Variants in COL6A3 observed in about 807,000 individuals in gnomAD.
The protein encoded by COL6A3 is collagen alpha-3(VI) chain.
Under a neutral mutation model 274.1 loss-of-function variants are expected in COL6A3, and 137 were observed. That is an observed-to-expected ratio of 0.50 (90% CI 0.44 to 0.58). The LOEUF (loss-of-function observed/expected upper bound fraction) is 0.58, where lower values mean the gene tolerates loss of function less well. Ranked by LOEUF, COL6A3 falls within the 20% of genes least tolerant of loss-of-function variation. COL6A3 has a pLI of 0.00. For synonymous variants in COL6A3, 1,650 were observed against 1,650.6 expected, an observed-to-expected ratio of 1.00 and a Z score of 0.01; for missense variants, 3,950 against 4,124.9, an observed-to-expected ratio of 0.96 and a Z score of 1.16.
chr2:237,350,264 G>A, intron 27 of COL6A3, 55 bp from the exon 28 acceptor site: 1 of 1,546,468 alleles, frequency 6.5e-7, no homozygotes, highest in South Asian at 1.1e-5. Flanking sequence ...CTTACAGTGT[G>A]ATGCCAAGCC....
At chr2:237,336,038 G>T in intron 40 of COL6A3, 97 bp downstream of exon 40, 1 of 1,464,736 alleles carries the variant, frequency 6.8e-7, no homozygotes, top group Non-Finnish European at 9.5e-7. Flanking sequence ...ATCAAGGACT[G>T]TATTCTGAGT....
At position 237,371,576 on chromosome 2, in the gene COL6A3, C is replaced by T. The variant is rs894904280; in HGVS notation, c.4285+156G>A. 3.2e-5 allele frequency: 47 copies of T among 1,463,758 alleles called. 1 individual carries two copies. The highest frequency in any genetic ancestry group is 1.2e-4 in the South Asian group (8 of 67,418). The allele number at this position is 1,463,758 out of a possible 1,614,324, so 90.7% of individuals were successfully genotyped here. Reference sequence around the variant, plus strand: ...TCATGCCACTGCACTCCAGCCTGGACGACAGAGCCAGACCCTGTCTCAAAA... The same window carrying T: ...TCATGCCACTGCACTCCAGCCTGGATGACAGAGCCAGACCCTGTCTCAAAA... On this transcript the variant is annotated intron_variant, in intron 9 of 43. Coordinates refer to ENST00000295550, the MANE Select transcript of COL6A3 (RefSeq NM_004369.4). The surrounding 1 kb of genome is among the most constrained non-coding windows in gnomAD (Gnocchi z 4.3).
chr2:237,374,968 C>T lies in COL6A3; in HGVS notation c.3123G>A (p.Arg1041=). Residue 1041 remains arginine (R), a synonymous_variant, in exon 8 of 44, where the codon AGG becomes AGA. Coordinates refer to ENST00000295550, the MANE Select transcript of COL6A3 (RefSeq NM_004369.4). This position sits in a 1 kb window ranked among gnomAD's most constrained non-coding sequence, Gnocchi z 4.8. ...ACTCTTTCAACAGAGGGAAGCCGCT[C>T]CTGACGCCCTCAGAGCCATCAAGCA... The part of the protein sequence containing the change: ...VFLLDGSEGV[R]SGFPLLKEFV... The T allele has an allele frequency of 6.2e-7, 1 of 1,613,944 alleles. No individual in the cohort carries two copies. The highest frequency in any genetic ancestry group is 1.1e-5 in the South Asian group (1 of 91,076).
In COL6A3 at chr2:237,367,937, G is replaced by A. The variant is rs1220051799; in HGVS notation, c.4900+626C>T. Among the ~76,000 whole-genome samples the A allele has an allele frequency of 3.3e-5, 5 of 152,328 alleles. No individual in the cohort carries two copies. The South Asian group carries it at 8.3e-4, about 25-fold the overall frequency. On this transcript the variant is annotated intron_variant, in intron 10 of 43. Coordinates refer to ENST00000295550, the MANE Select transcript of COL6A3 (RefSeq NM_004369.4). ...TGTGAGATGTGCCACAGGCAGCCTGGTAGGGAGCAGTGAGCTAGGGAAACA... is the reference window on the plus strand; with the variant it reads ...TGTGAGATGTGCCACAGGCAGCCTGATAGGGAGCAGTGAGCTAGGGAAACA...
chr2:237,379,572 A>C (rs1428375743), intron 5 of COL6A3, among the ~76,000 whole-genome samples: 1 of 152,208 alleles, frequency 6.6e-6, no homozygotes, highest in Non-Finnish European at 1.5e-5. Flanking sequence ...AAGGTGCTGC[A>C]TCAGTCCATA....
Position 237,364,535 on chromosome 2 carries a change from T to A in COL6A3, c.5839-107A>T. ...TGTCTCAAGCCCTTCATTTTACACTTAAGGAAACTGAGGGCCCAAGTTGAG... is the reference window on the plus strand; with the variant it reads ...TGTCTCAAGCCCTTCATTTTACACTAAAGGAAACTGAGGGCCCAAGTTGAG... On this transcript the variant is annotated intron_variant, in intron 12 of 43. Transcript: ENST00000295550. The surrounding 1 kb of genome is among the most constrained non-coding windows in gnomAD (Gnocchi z 4.6). 1 of 880,164 alleles carries A rather than the reference T, an allele frequency of 1.1e-6. No individual in the cohort carries two copies. The highest frequency in any genetic ancestry group is 1.9e-6 in the Non-Finnish European group (1 of 530,414). The allele number at this position is 880,164 out of a possible 1,614,324, so 54.5% of individuals were successfully genotyped here. A position where few individuals can be genotyped will look rare whatever the true frequency, so the allele number is the denominator to read the frequency against.
rs149261556 is a variant in COL6A3 at position 237,368,583 on chromosome 2, G to T, written c.4880C>A (p.Thr1627Asn). The T allele has an allele frequency of 4.3e-6, 7 of 1,614,152 alleles. No individual in the cohort carries two copies. Among genetic ancestry groups the T allele is most frequent in the Middle Eastern group, 1.6e-4 (1 of 6,062 alleles). ...CATACCTGGCCGTGAAGGAGGAGGG[G>T]TGTCCACCCCTGGAGGTGCAGGAGT... ...AATPAPPGVD[T>N]PPPSRPEKKK... Residue 1627 changes from threonine (T) to asparagine (N), a missense_variant, in exon 10 of 44, where the codon ACC (threonine) becomes AAC (asparagine). Transcript: ENST00000295550. This position sits in a 1 kb window ranked among gnomAD's most constrained non-coding sequence, Gnocchi z 4.4.
Position 237,324,501 on chromosome 2 carries a change from G to T in COL6A3, c.*273C>A. The stretch of plus-strand genomic sequence containing the variant: ...CTCCAGAGGGAATTTGGATTGATAG[G>T]AATGTTCACATAAACACCAGCAGTG... On this transcript the variant is annotated 3_prime_UTR_variant, in exon 44 of 44. Coordinates refer to ENST00000295550, the MANE Select transcript of COL6A3 (RefSeq NM_004369.4). The T allele has an allele frequency of 2.3e-6, 1 of 435,286 alleles. No homozygotes were observed. 27.0% of individuals were successfully genotyped at this position (435,286 alleles called of 1,614,324 possible).
rs773896666 is a variant in COL6A3, at chr2:237,364,367, T to G, written c.5900A>C (p.Glu1967Ala). Residue 1967 changes from glutamate to alanine, a missense_variant, in exon 13 of 44, where the codon GAG (glutamate) becomes GCG (alanine). Glu to Ala is a moderately radical substitution (Grantham distance 107). This residue lies in a region of COL6A3 where 632 missense variants were observed against 623.4 expected (regional missense o/e 1.01). Coordinates refer to ENST00000295550, the MANE Select transcript of COL6A3 (RefSeq NM_004369.4). This position sits in a 1 kb window ranked among gnomAD's most constrained non-coding sequence, Gnocchi z 4.6. ...GCACCTACCTTCTTGGCGGAGGTTC[T>G]CAGATGCTCTGTGTAAATCAGCCAG... ...GDLADLHRAS[E>A]NLRQEGVRAL... 1 of 1,613,990 alleles carries G rather than the reference T, an allele frequency of 6.2e-7. No individual in the cohort carries two copies. Among genetic ancestry groups the G allele is most frequent in the Admixed American group, 1.7e-5 (1 of 60,028 alleles).
intron 3 of COL6A3, among the ~76,000 whole-genome samples, chr2:237,388,809 T>C (rs956832044): frequency 1.3e-5 from 2 of 152,204 alleles, no homozygotes; most frequent in Non-Finnish European, 2.9e-5. Flanking sequence ...TCAAACTACA[T>C]TTAAAGTTTT....
At chr2:237,357,012 T>TC (rs1291092723) in intron 23 of COL6A3, 7 of 416,956 alleles carry the variant, frequency 1.7e-5, no homozygotes, top group Non-Finnish European at 8.6e-6. Flanking sequence ...ATTCCCTCCC[T>TC]CCCCCAGTAT....
In COL6A3 at chr2:237,333,721, A is replaced by G. The variant is rs111918424; in HGVS notation, c.9230-173T>C. 9.3e-3 allele frequency among the ~76,000 whole-genome samples: 1,411 copies of G among 152,310 alleles called. 8 individuals are homozygous for G. Among genetic ancestry groups the G allele is most frequent in the Middle Eastern group, 0.017 (5 of 294 alleles). On this transcript the variant is annotated intron_variant, in intron 41 of 43. Transcript: ENST00000295550. ...ACATCCACGACTTATGCTGTGGGCT[A>G]CAAGTTGGATCCATGAGCTAATAAG...
chr2:237,334,857 T>C lies in COL6A3; in HGVS notation c.8998A>G (p.Ile3000Val). The change falls in exon 41 of 44, where the codon ATA (isoleucine) becomes GTA (valine). Residue 3000 changes from isoleucine to valine, a missense_variant. This residue lies in a region of COL6A3 where 1,284 missense variants were observed against 1,349.7 expected (regional missense o/e 0.95). Transcript: ENST00000295550. The stretch of plus-strand genomic sequence containing the variant: ...TGGAGTTTGGCGCTGTTCTCTGTTA[T>C]CTCAAACACCTGGACTTCACGGGAC... ...KMSREVQVFE[I>V]TENSAKLHWE... 2 of 1,614,172 alleles carry C rather than the reference T, an allele frequency of 1.2e-6. No homozygotes were observed. Among genetic ancestry groups the C allele is most frequent in the Middle Eastern group, 1.6e-4 (1 of 6,062 alleles).
Position 237,361,745 on chromosome 2 carries a change from C to A in COL6A3, c.6150G>T (p.Gly2050=). The change falls in exon 15 of 44, where the codon GGG becomes GGT. Residue 2050 remains glycine (G), a synonymous_variant. Coordinates refer to ENST00000295550, the MANE Select transcript of COL6A3 (RefSeq NM_004369.4). This position sits in a 1 kb window ranked among gnomAD's most constrained non-coding sequence, Gnocchi z 5.1. ...RGDRGPIGSI[G]PKGIPGEDGY... ...AAGGGTAAAGCCACCGTACCTTTGG[C>A]CCGATGCTGCCGATGGGCCCGCGGT... 1 of 1,614,152 alleles carries A rather than the reference C, an allele frequency of 6.2e-7. No homozygotes were observed. Among genetic ancestry groups the A allele is most frequent in the Non-Finnish European group, 8.5e-7 (1 of 1,179,974 alleles).
At chr2:237,325,008 G>A (rs561182874) in intron 43 of COL6A3, among the ~76,000 whole-genome samples, 194 bp from the exon 44 acceptor site, 152 of 152,152 alleles carry the variant, frequency 1.0e-3, no homozygotes, top group African/African-American at 3.2e-3. Flanking sequence ...CTGGGGCCCC[G>A]GGGCCCAGGG....
At chr2:237,372,450 C>T (rs1248785853) in intron 8 of COL6A3, 113 bp from the exon 9 acceptor site, 5 of 1,585,358 alleles carry the variant, frequency 3.2e-6, no homozygotes, top group South Asian at 2.2e-5. Flanking sequence ...TAACACCAAT[C>T]ACCACTGTTA....
chr2:237,391,839 G>T (rs2078296355), intron 3 of COL6A3, among the ~76,000 whole-genome samples: 1 of 152,126 alleles, frequency 6.6e-6, no homozygotes, highest in Non-Finnish European at 1.5e-5. Context: ...GTAGGTCTTT[G>T]TTATTATCCC....
rs778497778 is a variant in COL6A3 at position 237,368,557 on chromosome 2, GC to G, written c.4900+5del. ...ACTCTGTAGTCATGGGTCACACGGTGCATACCTGGCCGTGAAGGAGGAGGGG... is the reference window on the plus strand; with the variant it reads ...ACTCTGTAGTCATGGGTCACACGGTGATACCTGGCCGTGAAGGAGGAGGGG... On this transcript the variant is annotated splice_donor_5th_base_variant and intron_variant, in intron 10 of 43. Coordinates refer to ENST00000295550, the MANE Select transcript of COL6A3 (RefSeq NM_004369.4). The surrounding 1 kb of genome is among the most constrained non-coding windows in gnomAD (Gnocchi z 4.4). The G allele has an allele frequency of 6.2e-7, 1 of 1,614,130 alleles. No individual in the cohort carries two copies. The highest frequency in any genetic ancestry group is 8.5e-7 in the Non-Finnish European group (1 of 1,179,988).
chr2:237,357,039 G>T (rs959954279), intron 23 of COL6A3: 4 of 488,228 alleles, frequency 8.2e-6, no homozygotes, highest in East Asian at 7.1e-5. Context: ...TTCCATTTGG[G>T]TCTCTTAAAT....
Sources: gnomAD v4.1 joint callset for allele counts (sites outside exome capture counted in the v4.1 genomes callset) on GRCh38, gnomAD v4.1.1 for gene constraint, gnomAD v4.1.1 regional missense constraint, Gnocchi (gnomAD v3.1) non-coding constraint, MANE v1.5 for transcripts, NCBI Gene and HGNC (gene_info 2026-07-23, HGNC 2026-07-21) for gene names.